EPHA5: variants seen among roughly 807,000 people sequenced by gnomAD.
EPHA5 encodes the protein EPH receptor A5, also known as ephrin type-A receptor 5.
A neutral mutation model predicts 105.0 loss-of-function variants in EPHA5; 60 were observed. The observed-to-expected ratio is 0.57, with a 90% CI of 0.46 to 0.71. EPHA5 has a LOEUF of 0.71. EPHA5 is among the 30% of genes least tolerant of loss of function. The pLI, the probability that EPHA5 is intolerant of heterozygous loss-of-function variation, is 0.00. For synonymous variants in EPHA5, 513 were observed against 449.1 expected, an observed-to-expected ratio of 1.14 and a Z score of -1.80; for missense variants, 1,218 against 1,274.7, an observed-to-expected ratio of 0.96 and a Z score of 0.68.
At chr4:65,624,639 C>A (rs1745979189) in intron 2 of EPHA5, among the ~76,000 whole-genome samples, 1 of 152,162 alleles carries the variant, frequency 6.6e-6, no homozygotes, top group Non-Finnish European at 1.5e-5. Context: ...TGCTTTACTT[C>A]ATCCCCCTCA....
chr4:65,498,878 A>T (rs1380086063), intron 3 of EPHA5, among the ~76,000 whole-genome samples: 1 of 151,730 alleles, frequency 6.6e-6, no homozygotes, highest in Non-Finnish European at 1.5e-5. Flanking sequence ...GTAATTATTC[A>T]TCACCTTCAA....
At chr4:65,503,949 A>T (rs998941394) in intron 3 of EPHA5, among the ~76,000 whole-genome samples, 4 of 151,246 alleles carry the variant, frequency 2.6e-5, no homozygotes, top group Non-Finnish European at 5.9e-5. Context: ...ACACACATAT[A>T]TTTAACCAAA....
rs145211057 is a variant in EPHA5 at position 65,384,102 on chromosome 4, G to A, written c.1794-16678C>T. 3.7e-3 allele frequency among the ~76,000 whole-genome samples: 566 copies of A among 152,004 alleles called. 3 individuals are homozygous for A. The highest frequency in any genetic ancestry group is 0.013 in the African/African-American group (533 of 41,514). On this transcript the variant is annotated intron_variant, in intron 8 of 16. Coordinates refer to ENST00000613740, the MANE Select transcript of EPHA5 (RefSeq NM_001281766.3). ...GAAGATGAGGTTGTGCAGGGACACA[G>A]GAGAGGCTGTGGAAGGCCAAATAGT...
At chr4:65,508,563 A>ACT (rs1303482869) in intron 3 of EPHA5, among the ~76,000 whole-genome samples, 2 of 152,150 alleles carry the variant, frequency 1.3e-5, no homozygotes, top group Non-Finnish European at 2.9e-5. Flanking sequence ...AGTACAATTA[A>ACT]CTATGTGCTA....
chr4:65,351,290 A>G (rs911920751), intron 13 of EPHA5, 99 bp downstream of exon 13: 1 of 1,074,114 alleles, frequency 9.3e-7, no homozygotes, highest in African/African-American at 1.6e-5. Flanking sequence ...TTTCTTTTTG[A>G]CTTTGTTGCA....
At chr4:65,452,170 T>C (rs538028958) in intron 5 of EPHA5, among the ~76,000 whole-genome samples, 121 of 152,158 alleles carry the variant, frequency 8.0e-4, no homozygotes, top group Non-Finnish European at 1.4e-3. Flanking sequence ...CTTCAAAATG[T>C]TATTGATCAT....
At chr4:65,495,075 A>G (rs1376419139) in intron 4 of EPHA5, among the ~76,000 whole-genome samples, 1 of 152,164 alleles carries the variant, frequency 6.6e-6, no homozygotes, top group African/African-American at 2.4e-5. Context: ...GAAGTAGATT[A>G]TCAAAGTCAT....
chr4:65,570,655 G>T (rs547119859), intron 3 of EPHA5, among the ~76,000 whole-genome samples: 2 of 151,858 alleles, frequency 1.3e-5, no homozygotes, highest in South Asian at 4.2e-4. Context: ...GACTCTTTCA[G>T]GTGGAAGTAT....
At position 65,420,540 on chromosome 4, in the gene EPHA5, T is replaced by C. The variant is rs1409702027; in HGVS notation, c.1428A>G (p.Lys476=). ...QAAPSPVTNV[K]KGKIAKNSIS... ...TGCTGTTTTTTGCAATTTTCCCTTTTTTCACATTGGTGACTGGAGATGGAG... is the reference window on the plus strand; with the variant it reads ...TGCTGTTTTTTGCAATTTTCCCTTTCTTCACATTGGTGACTGGAGATGGAG... Residue 476 remains lysine (K), a synonymous_variant, in exon 6 of 17, where the codon AAA becomes AAG. Transcript: ENST00000613740. 1.2e-6 allele frequency: 2 copies of C among 1,613,224 alleles called. No individual in the cohort carries two copies. Among genetic ancestry groups the C allele is most frequent in the Non-Finnish European group, 1.7e-6 (2 of 1,179,548 alleles).
At chr4:65,508,887 T>C (rs1037323703) in intron 3 of EPHA5, among the ~76,000 whole-genome samples, 3 of 152,134 alleles carry the variant, frequency 2.0e-5, no homozygotes, top group East Asian at 3.9e-4. Context: ...TCTATGAATA[T>C]AAATATAGTA....
intron 3 of EPHA5, among the ~76,000 whole-genome samples, chr4:65,586,832 G>A (rs1742169733): frequency 6.6e-6 from 1 of 151,892 alleles, no homozygotes; most frequent in South Asian, 2.1e-4. Flanking sequence ...CTTTTCTACA[G>A]ACCTGGCATG....
intron 11 of EPHA5, among the ~76,000 whole-genome samples, chr4:65,361,359 G>C (rs1008375227): frequency 6.6e-6 from 1 of 151,576 alleles, no homozygotes; most frequent in African/African-American, 2.4e-5. Context: ...GAATAAGGTA[G>C]AGTTTTCCAG....
At chr4:65,386,957 A>C (rs1257142469) in intron 8 of EPHA5, among the ~76,000 whole-genome samples, 1 of 151,956 alleles carries the variant, frequency 6.6e-6, no homozygotes, top group Non-Finnish European at 1.5e-5. Flanking sequence ...GCAATATAAA[A>C]AAAAAAGGCT....
chr4:65,615,901 A>G (rs1397473506), intron 2 of EPHA5, among the ~76,000 whole-genome samples: 1 of 151,936 alleles, frequency 6.6e-6, no homozygotes, highest in Non-Finnish European at 1.5e-5. Flanking sequence ...TAAATCTGAA[A>G]TTGCCATTAA....
In EPHA5 at chr4:65,520,348, C is replaced by T. The variant is rs528014108; in HGVS notation, c.911-24805G>A. ...ATATGTCGAAAGCTGAAACTGGATCCCTTCCTTACACCTTATACAAAAATT... is the reference window on the plus strand; with the variant it reads ...ATATGTCGAAAGCTGAAACTGGATCTCTTCCTTACACCTTATACAAAAATT... On this transcript the variant is annotated intron_variant, in intron 3 of 16. Coordinates refer to ENST00000613740, the MANE Select transcript of EPHA5 (RefSeq NM_001281766.3). Among the ~76,000 whole-genome samples the T allele has an allele frequency of 2.0e-5, 3 of 152,250 alleles. No individual in the cohort carries two copies. In the South Asian group the frequency reaches 6.2e-4, roughly 32 times the overall value.
At chr4:65,402,662 A>T (rs1227111525) in intron 8 of EPHA5, among the ~76,000 whole-genome samples, 2 of 152,194 alleles carry the variant, frequency 1.3e-5, no homozygotes, top group Non-Finnish European at 2.9e-5. Context: ...CATGGCTATA[A>T]ATATAACTAA....
chr4:65,449,907 A>C (rs1726914181), intron 5 of EPHA5, among the ~76,000 whole-genome samples: 1 of 151,808 alleles, frequency 6.6e-6, no homozygotes, highest in Non-Finnish European at 1.5e-5. Context: ...TTTCAGAGAG[A>C]TCAGGGCTCT....
intron 5 of EPHA5, among the ~76,000 whole-genome samples, chr4:65,462,518 G>A (rs1452809803): frequency 6.6e-6 from 1 of 152,084 alleles, no homozygotes; most frequent in African/African-American, 2.4e-5. Flanking sequence ...AGACTAGCTG[G>A]GCACTAGGCT....
intron 14 of EPHA5, among the ~76,000 whole-genome samples, chr4:65,340,759 G>C (rs773836339): frequency 3.9e-5 from 6 of 152,278 alleles, no homozygotes; most frequent in Admixed American, 1.3e-4. Flanking sequence ...CATGGCAAGA[G>C]AATAGAGCAT....
Sources: allele counts gnomAD v4.1 joint callset (sites outside exome capture counted in the v4.1 genomes callset), GRCh38; gene constraint gnomAD v4.1.1; transcripts MANE v1.5; gene names NCBI Gene and HGNC (gene_info 2026-07-23, HGNC 2026-07-21).